The following STYK1 variants were observed in gnomAD, a reference collection of about 807,000 sequenced individuals.
STYK1 encodes the protein STY kinase 1, also known as tyrosine-protein kinase STYK1.
In STYK1, 46 loss-of-function variants were observed where a neutral mutation model predicts 48.1. That is an observed-to-expected ratio of 0.96 (90% CI 0.75 to 1.22). The LOEUF (loss-of-function observed/expected upper bound fraction) is 1.22, where lower values mean the gene tolerates loss of function less well. STYK1 is among the 50% of genes most tolerant of loss of function. The pLI is 0.00. For synonymous variants in STYK1, 188 were observed against 189.0 expected, an observed-to-expected ratio of 0.99 and a Z score of 0.04; for missense variants, 527 against 521.1, an observed-to-expected ratio of 1.01 and a Z score of -0.11.
intron 1 of STYK1, among the ~76,000 whole-genome samples, chr12:10,647,962 C>G (rs549542379): frequency 1.3e-5 from 2 of 152,166 alleles, no homozygotes; most frequent in African/African-American, 4.8e-5. Flanking sequence ...AAACCTCTTT[C>G]TTTTGTAAAT....
At chr12:10,644,538 A>T (rs1947579148) in intron 1 of STYK1, among the ~76,000 whole-genome samples, 2 of 152,226 alleles carry the variant, frequency 1.3e-5, no homozygotes, top group African/African-American at 4.8e-5. Context: ...AATGAGTATT[A>T]GTTTTGCAGC....
chr12:10,634,461 T>A, intron 3 of STYK1, 106 bp downstream of exon 3: 1 of 1,294,556 alleles, frequency 7.7e-7, no homozygotes, highest in Non-Finnish European at 1.1e-6. Context: ...CACCACTGTC[T>A]TCATTTCTAC....
At chr12:10,643,007 G>C (rs1008964788) in intron 1 of STYK1, among the ~76,000 whole-genome samples, 1 of 152,000 alleles carries the variant, frequency 6.6e-6, no homozygotes, top group African/African-American at 2.4e-5. Context: ...TTCTGACGGG[G>C]GCATTACGGA....
chr12:10,622,870 CTT>C (rs1169359221), intron 8 of STYK1, among the ~76,000 whole-genome samples, 192 bp from the exon 9 acceptor site: 1 of 152,170 alleles, frequency 6.6e-6, no homozygotes, highest in East Asian at 1.9e-4. Context: ...GTTCGAATCT[CTT>C]TTAAGATTGA....
chr12:10,655,242 C>A (rs889385339), intron 1 of STYK1, among the ~76,000 whole-genome samples: 1 of 152,192 alleles, frequency 6.6e-6, no homozygotes, highest in Non-Finnish European at 1.5e-5. Flanking sequence ...TAGGGTTTCT[C>A]TCTCATCTTG....
At chr12:10,633,635 A>G (rs1947453101) in intron 4 of STYK1, among the ~76,000 whole-genome samples, 1 of 152,102 alleles carries the variant, frequency 6.6e-6, no homozygotes, top group African/African-American at 2.4e-5. Context: ...ATAGGGTGAT[A>G]TGTCATCCTC....
At chr12:10,658,660 G>A (rs1947744655) in intron 1 of STYK1, among the ~76,000 whole-genome samples, 1 of 152,100 alleles carries the variant, frequency 6.6e-6, no homozygotes, top group African/African-American at 2.4e-5. Context: ...GTCCAGAAGA[G>A]ACATATTTGG....
At chr12:10,663,492 G>C (rs371967515) in intron 1 of STYK1, among the ~76,000 whole-genome samples, 106 of 150,924 alleles carry the variant, frequency 7.0e-4, no homozygotes, top group African/African-American at 2.5e-3. Context: ...CCAGCTACTC[G>C]GGAGGCTGAG....
At chr12:10,622,863 C>A (rs977269214) in intron 8 of STYK1, among the ~76,000 whole-genome samples, 185 bp from the exon 9 acceptor site, 6 of 152,086 alleles carry the variant, frequency 3.9e-5, no homozygotes, top group Non-Finnish European at 8.8e-5. Flanking sequence ...TCCATAGGTT[C>A]GAATCTCTTT....
In STYK1 at chr12:10,629,753, T is replaced by G. The variant is rs531647993; in HGVS notation, c.452-79A>C. On this transcript the variant is annotated intron_variant, in intron 5 of 10. Transcript: ENST00000075503. ...GGGAGGCAGGGAGCAGGAGGCAACT[T>G]AAGATGTTAATTCTCAAGGCCCCAC... The G allele has an allele frequency of 5.3e-5, 81 of 1,539,156 alleles. No individual in the cohort carries two copies. In the Admixed American group the frequency reaches 6.2e-4, roughly 12 times the overall value.
intron 1 of STYK1, among the ~76,000 whole-genome samples, chr12:10,641,604 C>A (rs1947545601): frequency 6.6e-6 from 1 of 152,216 alleles, no homozygotes; most frequent in South Asian, 2.1e-4. Flanking sequence ...GTCCCAGGCC[C>A]AGGCAGAGAG....
At chr12:10,649,931 T>G (rs1947642105) in intron 1 of STYK1, among the ~76,000 whole-genome samples, 2 of 151,716 alleles carry the variant, frequency 1.3e-5, no homozygotes, top group African/African-American at 4.8e-5. Context: ...GCTAACATGG[T>G]GAAACCCCGT....
At chr12:10,651,948 A>G (rs998734912) in intron 1 of STYK1, among the ~76,000 whole-genome samples, 8 of 152,148 alleles carry the variant, frequency 5.3e-5, no homozygotes, top group African/African-American at 1.9e-4. Flanking sequence ...CAGATTTTGT[A>G]CTATTCTTTT....
intron 1 of STYK1, among the ~76,000 whole-genome samples, chr12:10,655,458 A>C (rs1448324425): frequency 2.6e-5 from 4 of 152,236 alleles, no homozygotes; most frequent in Admixed American, 6.5e-5. Flanking sequence ...GCTGTAGCTT[A>C]GTAGCTAAGG....
intron 9 of STYK1, 76 bp downstream of exon 9, chr12:10,622,562 T>G: frequency 6.4e-7 from 1 of 1,550,940 alleles, no homozygotes; most frequent in Non-Finnish European, 8.9e-7. Flanking sequence ...TCAGAAAGCA[T>G]ACATCATCCA....
At position 10,620,336 on chromosome 12, in the gene STYK1, C is replaced by T; in HGVS notation, c.1077G>A (p.Met359Ile). 6.2e-7 allele frequency: 1 copy of T among 1,613,054 alleles called. No individual in the cohort carries two copies. The highest frequency in any genetic ancestry group is 8.5e-7 in the Non-Finnish European group (1 of 1,180,040). The change falls in exon 11 of 11, where the codon ATG becomes ATA. Residue 359 changes from methionine (M) to isoleucine (I), a missense_variant. Met to Ile is a conservative substitution (Grantham distance 10). Coordinates refer to ENST00000075503, the MANE Select transcript of STYK1 (RefSeq NM_018423.3). The stretch of plus-strand genomic sequence containing the variant: ...CCTCACGCCAGCGCCAGCAGGACTT[C>T]ATGATACTGTACCTGAGAGGGAAAC... Reference protein sequence around the residue: ...SSCTHTMYSIMKSCWRWREAD... With the variant: ...SSCTHTMYSIIKSCWRWREAD...
At chr12:10,634,147 A>G in intron 3 of STYK1, 23 bp from the exon 4 acceptor site, 1 of 1,481,832 alleles carries the variant, frequency 6.7e-7, no homozygotes, top group Non-Finnish European at 9.0e-7. Flanking sequence ...TCACACAGGA[A>G]GAGAAGAGAA....
chr12:10,625,103 T>A (rs1474912854), intron 7 of STYK1, among the ~76,000 whole-genome samples: 1 of 152,214 alleles, frequency 6.6e-6, no homozygotes, highest in Non-Finnish European at 1.5e-5. Flanking sequence ...GAAAATATAA[T>A]CACCTCTGTT....
At chr12:10,660,054 C>A (rs919864972) in intron 1 of STYK1, among the ~76,000 whole-genome samples, 8 of 152,132 alleles carry the variant, frequency 5.3e-5, no homozygotes, top group Admixed American at 5.2e-4. Context: ...TAATTCTGGG[C>A]AAGTACTGGA....
Sources: gnomAD v4.1 joint callset for allele counts (sites outside exome capture counted in the v4.1 genomes callset) on GRCh38, gnomAD v4.1.1 for gene constraint, MANE v1.5 for transcripts, NCBI Gene and HGNC (gene_info 2026-07-23, HGNC 2026-07-21) for gene names.